Variants in ANK2 observed in about 807,000 individuals in gnomAD.
The protein encoded by ANK2 is ankyrin-2.
A neutral mutation model predicts 360.5 loss-of-function variants in ANK2; 83 were observed. The observed-to-expected ratio is 0.23, with a 90% CI of 0.19 to 0.28. The LOEUF is 0.28. Among genes scored for constraint, ANK2 ranks in the 10% least tolerant of loss-of-function variants. ANK2 has a pLI of 1.00. For synonymous variants in ANK2, 1,740 were observed against 1,759.5 expected (o/e 0.99, Z 0.28); for missense variants, 4,201 against 4,795.7 (o/e 0.88, Z 3.66).
chr4:112,740,133 A>C, the ANK2 span, among the ~76,000 whole-genome samples: 4 of 152,158 alleles, frequency 2.6e-5, no homozygotes, highest in Admixed American at 2.6e-4. Flanking sequence ...TTTTAGTTAA[A>C]GTTCTGTTCT....
At chr4:112,768,588 T>C in the ANK2 span, among the ~76,000 whole-genome samples, 1 of 152,072 alleles carries the variant, frequency 6.6e-6, no homozygotes, top group African/African-American at 2.4e-5. Flanking sequence ...TTTTCTCCTG[T>C]AGCAGGAGAG....
At chr4:113,237,261 A>G (rs2099390703) in intron 6 of ANK2, 89 bp downstream of exon 6, 1 of 1,440,072 alleles carries the variant, frequency 6.9e-7, no homozygotes, top group African/African-American at 1.4e-5. Context: ...CCATGGTGAT[A>G]ATGCAAAATT....
At chr4:112,715,056 C>G in the ANK2 span, among the ~76,000 whole-genome samples, 1 of 152,180 alleles carries the variant, frequency 6.6e-6, no homozygotes, top group South Asian at 2.1e-4. Context: ...GCTGGGGTGA[C>G]TAGAAGGCTG....
chr4:113,316,914 G>A (rs576914835), intron 24 of ANK2, among the ~76,000 whole-genome samples: 19 of 152,294 alleles, frequency 1.2e-4, no homozygotes, highest in Non-Finnish European at 2.9e-5. Flanking sequence ...GTGGCCATTG[G>A]CAATTTGTCT....
At chr4:112,722,347 ACACACACAGG>A in the ANK2 span, among the ~76,000 whole-genome samples, 1 of 152,258 alleles carries the variant, frequency 6.6e-6, no homozygotes, top group South Asian at 2.1e-4. Flanking sequence ...CCTGCCTAAA[ACACACACAGG>A]CACACATACC....
chr4:113,369,885 T>C (rs2154067946), intron 43 of ANK2, 80 bp downstream of exon 43: 1 of 1,584,822 alleles, frequency 6.3e-7, no homozygotes, highest in Non-Finnish European at 8.6e-7. Context: ...TGATGGTTTA[T>C]TTTTTGCACT....
At chr4:113,037,612 A>G (rs1177598904) in intron 2 of ANK2, among the ~76,000 whole-genome samples, 1 of 151,894 alleles carries the variant, frequency 6.6e-6, no homozygotes, top group Non-Finnish European at 1.5e-5. Flanking sequence ...GACTTGATGA[A>G]ATTTCTTGAG....
intron 10 of ANK2, among the ~76,000 whole-genome samples, chr4:113,250,079 C>T (rs1002868150): frequency 2.6e-5 from 4 of 152,174 alleles, no homozygotes; most frequent in African/African-American, 9.6e-5. Flanking sequence ...AAGTTTTTGT[C>T]TATATTTTTA....
At chr4:112,776,568 A>G in the ANK2 span, among the ~76,000 whole-genome samples, 1 of 152,206 alleles carries the variant, frequency 6.6e-6, no homozygotes, top group Non-Finnish European at 1.5e-5. Flanking sequence ...GAAAGGTCAG[A>G]ACCTTTCTTG....
rs79858208 is a variant in ANK2 at position 113,095,505 on chromosome 4, A to G, written c.84+45693A>G. On this transcript the variant is annotated intron_variant, in intron 1 of 45. Coordinates refer to ENST00000357077, the MANE Select transcript of ANK2 (RefSeq NM_001148.6). Reference sequence around the variant, plus strand: ...GTGATTTGTATCAGGCACGAAGACAAGAAATGTTTAGATCTTGAACTGCTA... The same window carrying G: ...GTGATTTGTATCAGGCACGAAGACAGGAAATGTTTAGATCTTGAACTGCTA... 9.5e-3 allele frequency among the ~76,000 whole-genome samples: 1,452 copies of G among 152,252 alleles called. 40 individuals are homozygous for G. In the East Asian group the frequency reaches 0.1, roughly 11 times the overall value.
At chr4:113,199,796 T>A (rs1412983177) in intron 4 of ANK2, among the ~76,000 whole-genome samples, 5 of 152,178 alleles carry the variant, frequency 3.3e-5, no homozygotes, top group African/African-American at 9.7e-5. Flanking sequence ...TAGGGTTTTC[T>A]CCTTTGCCTT....
chr4:113,016,044 G>A (rs915832005), intron 2 of ANK2, among the ~76,000 whole-genome samples: 2 of 151,372 alleles, frequency 1.3e-5, no homozygotes, highest in African/African-American at 4.9e-5. Flanking sequence ...TTTTTTCTTG[G>A]GATAGGGTCT....
intron 2 of ANK2, among the ~76,000 whole-genome samples, chr4:113,188,229 T>C (rs2098576400): frequency 6.6e-6 from 1 of 152,110 alleles, no homozygotes; most frequent in Non-Finnish European, 1.5e-5. Context: ...GGACAAGTAC[T>C]AACAAGTATA....
chr4:112,954,961 A>C (rs1272249446), intron 2 of ANK2, among the ~76,000 whole-genome samples: 2 of 152,184 alleles, frequency 1.3e-5, no homozygotes, highest in African/African-American at 2.4e-5. Context: ...TGCATGACCA[A>C]ATATGTTTGT....
intron 4 of ANK2, among the ~76,000 whole-genome samples, chr4:113,200,700 T>C (rs1475137772): frequency 6.6e-6 from 1 of 152,226 alleles, no homozygotes; most frequent in East Asian, 1.9e-4. Flanking sequence ...GGTGTATATG[T>C]ACCACATTTT....
chr4:113,299,910 A>G (rs2074080430), intron 22 of ANK2, among the ~76,000 whole-genome samples: 2 of 152,024 alleles, frequency 1.3e-5, no homozygotes, highest in Non-Finnish European at 2.9e-5. Flanking sequence ...ATCCCTATGG[A>G]TTTTGATTTA....
chr4:113,353,548 C>G lies in ANK2; in HGVS notation c.4930C>G (p.Leu1644Val). ...TGLVNYLTDD[L>V]NTCVPLPKEQ... ...GCTAGTGAACTACCTTACTGATGAT[C>G]TGAATACCTGTGTGCCTCTTCCCAA... Residue 1644 changes from leucine (L) to valine (V), a missense_variant, in exon 38 of 46, where the codon CTG (leucine) becomes GTG (valine). This residue lies in a region of ANK2 where 1,268 missense variants were observed against 1,650.8 expected (regional missense o/e 0.77). Transcript: ENST00000357077. 4 of 1,614,092 alleles carry G rather than the reference C, an allele frequency of 2.5e-6. No individual in the cohort carries two copies. Among genetic ancestry groups the G allele is most frequent in the Non-Finnish European group, 3.4e-6 (4 of 1,179,964 alleles).
chr4:113,015,717 C>A (rs2056427379), intron 2 of ANK2, among the ~76,000 whole-genome samples: 1 of 151,994 alleles, frequency 6.6e-6, no homozygotes, highest in African/African-American at 2.4e-5. Flanking sequence ...GTATAAAAAC[C>A]TTATAGATTT....
the ANK2 span, among the ~76,000 whole-genome samples, chr4:112,731,477 A>T: frequency 6.6e-6 from 1 of 151,902 alleles, no homozygotes; most frequent in Non-Finnish European, 1.5e-5. Flanking sequence ...TAATCCCAGC[A>T]CTTTGGGAGG....
Sources: gnomAD v4.1 joint callset for allele counts (sites outside exome capture counted in the v4.1 genomes callset) on GRCh38, gnomAD v4.1.1 for gene constraint, gnomAD v4.1.1 regional missense constraint, MANE v1.5 for transcripts, NCBI Gene and HGNC (gene_info 2026-07-23, HGNC 2026-07-21) for gene names.